Variants in CFAP299 observed in about 807,000 individuals in gnomAD.
The protein encoded by CFAP299 is cilia- and flagella-associated protein 299.
A neutral mutation model predicts 27.0 loss-of-function variants in CFAP299; 21 were observed. That is an observed-to-expected ratio of 0.78 (90% CI 0.55 to 1.12). CFAP299 has a LOEUF of 1.12. CFAP299 is among the 50% of genes most tolerant of loss of function. The pLI is 0.00. For synonymous variants in CFAP299, 104 were observed against 98.1 expected, an observed-to-expected ratio of 1.06 and a Z score of -0.36; for missense variants, 310 against 276.6, an observed-to-expected ratio of 1.12 and a Z score of -0.86.
intron 2 of CFAP299, among the ~76,000 whole-genome samples, chr4:80,410,763 G>A (rs1014192835): frequency 1.3e-5 from 2 of 152,102 alleles, no homozygotes; most frequent in African/African-American, 4.8e-5. Flanking sequence ...CACAGATAAC[G>A]AAATAGACTA....
intron 3 of CFAP299, among the ~76,000 whole-genome samples, chr4:80,733,330 T>C (rs1723647193): frequency 6.6e-6 from 1 of 152,126 alleles, no homozygotes; most frequent in Admixed American, 6.6e-5. Context: ...TTTTTATTTT[T>C]GTGCATTAAT....
At chr4:80,573,823 T>A (rs1310109444) in intron 2 of CFAP299, among the ~76,000 whole-genome samples, 1 of 152,184 alleles carries the variant, frequency 6.6e-6, no homozygotes, top group Non-Finnish European at 1.5e-5. Context: ...TTTATGTATC[T>A]GTTTTTATGC....
chr4:80,387,634 G>T (rs1725088850), intron 2 of CFAP299: 15 of 1,471,934 alleles, frequency 1.0e-5, no homozygotes, highest in Non-Finnish European at 1.3e-5. Context: ...GTGTCCTGAA[G>T]GCCATACCTT....
chr4:80,369,688 G>C (rs1724035522), intron 2 of CFAP299, among the ~76,000 whole-genome samples: 1 of 152,188 alleles, frequency 6.6e-6, no homozygotes, highest in African/African-American at 2.4e-5. Flanking sequence ...TGCTTCCTGG[G>C]CACAAGATGC....
intron 3 of CFAP299, among the ~76,000 whole-genome samples, chr4:80,797,272 C>T (rs1443820641): frequency 6.6e-6 from 1 of 152,138 alleles, no homozygotes; most frequent in Admixed American, 6.5e-5. Flanking sequence ...ACCCAGCTTC[C>T]ACTTCATTCA....
chr4:80,531,982 C>T (rs1216635493), intron 2 of CFAP299, among the ~76,000 whole-genome samples: 2 of 151,972 alleles, frequency 1.3e-5, no homozygotes, highest in African/African-American at 4.8e-5. Flanking sequence ...TCCCGAACTC[C>T]CGACCTCAGG....
At chr4:80,790,957 G>A (rs368020284) in intron 3 of CFAP299, among the ~76,000 whole-genome samples, 9 of 151,866 alleles carry the variant, frequency 5.9e-5, no homozygotes, top group South Asian at 2.1e-4. Flanking sequence ...TTGAATATAC[G>A]TTAAACACTG....
At chr4:80,785,509 G>A (rs1195327859) in intron 3 of CFAP299, among the ~76,000 whole-genome samples, 4 of 152,028 alleles carry the variant, frequency 2.6e-5, no homozygotes, top group African/African-American at 7.2e-5. Context: ...ATTTTCTGCT[G>A]GATGCTTGCA....
chr4:80,795,924 C>A (rs1446802602), intron 3 of CFAP299, among the ~76,000 whole-genome samples: 1 of 152,144 alleles, frequency 6.6e-6, no homozygotes, highest in East Asian at 1.9e-4. Context: ...GTATGGGGAC[C>A]TGCCAGTGGC....
At chr4:80,647,823 C>CA (rs1189760504) in intron 3 of CFAP299, among the ~76,000 whole-genome samples, 1 of 152,170 alleles carries the variant, frequency 6.6e-6, no homozygotes, top group Non-Finnish European at 1.5e-5. Flanking sequence ...CCTGTACTCC[C>CA]AGCACTTTGG....
At chr4:80,328,948 A>G in the CFAP299 span, among the ~76,000 whole-genome samples, 1 of 151,946 alleles carries the variant, frequency 6.6e-6, no homozygotes, top group Non-Finnish European at 1.5e-5. Flanking sequence ...CTTTTTTCTC[A>G]TATATTTTCC....
intron 3 of CFAP299, among the ~76,000 whole-genome samples, chr4:80,837,198 G>A (rs556544651): frequency 3.5e-4 from 54 of 152,132 alleles, no homozygotes; most frequent in African/African-American, 1.2e-3. Context: ...AAAATTAGAG[G>A]TCACAGATAT....
intron 2 of CFAP299, among the ~76,000 whole-genome samples, chr4:80,495,665 G>A (rs1445247057): frequency 6.6e-6 from 1 of 152,190 alleles, no homozygotes; most frequent in African/African-American, 2.4e-5. Flanking sequence ...TTAGCTAGAT[G>A]TATTACGCTA....
intron 4 of CFAP299, among the ~76,000 whole-genome samples, chr4:80,919,306 A>G (rs1397569898): frequency 1.3e-5 from 2 of 152,152 alleles, no homozygotes; most frequent in African/African-American, 4.8e-5. Context: ...CATATGCTTT[A>G]ATAGCCACGT....
chr4:80,386,844 C>A (rs1331561641), intron 2 of CFAP299: 8 of 882,176 alleles, frequency 9.1e-6, no homozygotes, highest in Non-Finnish European at 1.2e-5. Flanking sequence ...ATCAACATGT[C>A]TCTCTTACAG....
intron 4 of CFAP299, among the ~76,000 whole-genome samples, chr4:80,917,311 T>TA (rs1560476013): frequency 6.6e-6 from 1 of 152,146 alleles, no homozygotes; most frequent in Non-Finnish European, 1.5e-5. Context: ...AAAGATACTG[T>TA]CAATATGGAT....
intron 3 of CFAP299, among the ~76,000 whole-genome samples, chr4:80,707,808 T>G (rs540483262): frequency 6.6e-5 from 10 of 152,092 alleles, no homozygotes; most frequent in Non-Finnish European, 1.0e-4. Flanking sequence ...TAATTATCTG[T>G]GTAGCAAACA....
intron 2 of CFAP299, among the ~76,000 whole-genome samples, chr4:80,582,265 T>C (rs1044180763): frequency 2.6e-5 from 4 of 151,884 alleles, no homozygotes; most frequent in Admixed American, 2.6e-4. Flanking sequence ...ACTCGGTCTA[T>C]ATCTCTGTTA....
At chr4:80,502,928 A>G (rs1731813069) in intron 2 of CFAP299, among the ~76,000 whole-genome samples, 1 of 152,132 alleles carries the variant, frequency 6.6e-6, no homozygotes, top group African/African-American at 2.4e-5. Flanking sequence ...CAGGAGAACT[A>G]TGAAAATAAG....
Sources: gnomAD v4.1 joint callset for allele counts (sites outside exome capture counted in the v4.1 genomes callset) on GRCh38, gnomAD v4.1.1 for gene constraint, MANE v1.5 for transcripts, NCBI Gene and HGNC (gene_info 2026-07-23, HGNC 2026-07-21) for gene names.